RIPK4: variants seen among roughly 807,000 people sequenced by gnomAD.
The protein encoded by RIPK4 is receptor interacting serine/threonine kinase 4.
A neutral mutation model predicts 42.9 loss-of-function variants in RIPK4; 17 were observed. The observed-to-expected ratio is 0.40, with a 90% CI of 0.27 to 0.59. The LOEUF (loss-of-function observed/expected upper bound fraction) is 0.59. Among genes scored for constraint, RIPK4 ranks in the 20% least tolerant of loss-of-function variants. The pLI is 0.47. For synonymous variants in RIPK4, 498 were observed against 499.1 expected (o/e 1.00, Z 0.03); for missense variants, 897 against 1,104.4 (o/e 0.81, Z 2.66).
At position 41,751,551 on chromosome 21, in the gene RIPK4, G is replaced by A. The variant is rs956172778; in HGVS notation, c.475-306C>T. ...AGAATTAGAATCCACCTTCTGTAAA[G>A]CATCATGTTTGCCATGGTGGTTGAG... On this transcript the variant is annotated intron_variant, in intron 2 of 7. Transcript: ENST00000332512. This position sits in a 1 kb window ranked among gnomAD's most constrained non-coding sequence, Gnocchi z 4.5. Among the ~76,000 whole-genome samples, 5 of 152,228 alleles carry A rather than the reference G, an allele frequency of 3.3e-5. No homozygotes were observed. The highest frequency in any genetic ancestry group is 2.1e-4 in the South Asian group (1 of 4,830).
intron 1 of RIPK4, among the ~76,000 whole-genome samples, chr21:41,758,042 A>G (rs1181950707): frequency 3.4e-5 from 2 of 58,672 alleles, no homozygotes; most frequent in East Asian, 7.1e-4. Flanking sequence ...ATATATATAT[A>G]GAGAGAGAGA....
Position 41,744,125 on chromosome 21 carries a change from G to C in RIPK4, c.952C>G (p.Leu318Val). Residue 318 changes from leucine (L) to valine (V), a missense_variant, in exon 7 of 8, where the codon CTC becomes GTC. Coordinates refer to ENST00000332512, the MANE Select transcript of RIPK4 (RefSeq NM_020639.3). ...AAGGTGGGGGCAGAGGCCCGCTTGA[G>C]CCTCGCAGGCACCACCTGCGAAGAT... Reference protein sequence around the residue: ...EPRSEVVPARLKRASAPTFDN... With the variant: ...EPRSEVVPARVKRASAPTFDN... 1 of 1,594,458 alleles carries C rather than the reference G, an allele frequency of 6.3e-7. No individual in the cohort carries two copies. Among genetic ancestry groups the C allele is most frequent in the Non-Finnish European group, 8.6e-7 (1 of 1,168,480 alleles).
chr21:41,743,950 G>T lies in RIPK4; in HGVS notation c.1127C>A (p.Ser376Ter), dbSNP rs387906921. Reference sequence around the variant, plus strand: ...TCTGGAAGAGAAGGCGGAGTCCACCGAGGACACCCCCGAGAGCCTCTTCCC... The same window carrying T: ...TCTGGAAGAGAAGGCGGAGTCCACCTAGGACACCCCCGAGAGCCTCTTCCC... ...GSGKRLSGVS[S>*]VDSAFSSRGS... is the part of the protein sequence containing the mutation. The change falls in exon 7 of 8, where the codon TCG (serine) becomes TAG (stop). Residue 376 changes from serine (S) to a stop codon, truncating the protein, a stop_gained. Transcript: ENST00000332512. LOFTEE classifies it high-confidence loss of function. The T allele has an allele frequency of 2.5e-6, 4 of 1,613,336 alleles. No homozygotes were observed. The highest frequency in any genetic ancestry group is 1.1e-5 in the South Asian group (1 of 91,060).
At position 41,739,698 on chromosome 21, in the gene RIPK4, G is replaced by A. The variant is rs1271071939; in HGVS notation, c.*1140C>T. 5 of 152,336 alleles carry A rather than the reference G, an allele frequency of 3.3e-5. No individual in the cohort carries two copies. The highest frequency in any genetic ancestry group is 7.3e-5 in the Non-Finnish European group (5 of 68,042). 9.4% of individuals were successfully genotyped at this position (152,336 alleles called of 1,614,324 possible). On this transcript the variant is annotated 3_prime_UTR_variant, in exon 8 of 8. Coordinates refer to ENST00000332512, the MANE Select transcript of RIPK4 (RefSeq NM_020639.3). The stretch of plus-strand genomic sequence containing the variant: ...TGACAGTGAAGTTACGAGGCTAGAT[G>A]GCCACATCTTTTACATCCAAGAACC...
chr21:41,743,083 C>A (rs1342828167), intron 7 of RIPK4, among the ~76,000 whole-genome samples: 1 of 152,170 alleles, frequency 6.6e-6, no homozygotes, highest in African/African-American at 2.4e-5. Context: ...AGGATGTTTC[C>A]AATCCACCAG....
intron 1 of RIPK4, 36 bp downstream of exon 1, chr21:41,766,824 C>T (rs1410212336): frequency 1.4e-5 from 22 of 1,582,456 alleles, no homozygotes; most frequent in Non-Finnish European, 1.8e-5. Context: ...CCAGCCCGGG[C>T]CCCAGCCGCC....
In RIPK4 at chr21:41,740,159, C is replaced by A. The variant is rs183136282; in HGVS notation, c.*679G>T. The A allele has an allele frequency of 7.8e-4, 119 of 152,312 alleles. No homozygotes were observed. The highest frequency in any genetic ancestry group is 2.7e-3 in the African/African-American group (111 of 41,570). The allele number at this position is 152,312 out of a possible 1,614,324, so 9.4% of individuals were successfully genotyped here. A position where few individuals can be genotyped will look rare whatever the true frequency, so the allele number is the denominator to read the frequency against. On this transcript the variant is annotated 3_prime_UTR_variant, in exon 8 of 8. Coordinates refer to ENST00000332512, the MANE Select transcript of RIPK4 (RefSeq NM_020639.3). Reference sequence around the variant, plus strand: ...GTGTGTGGTTGTCCACAAGGACTCACCCAAGTAATAGACTGGAATGGTTAA... The same window carrying A: ...GTGTGTGGTTGTCCACAAGGACTCAACCAAGTAATAGACTGGAATGGTTAA...
chr21:41,740,620 G>C lies in RIPK4; in HGVS notation c.*218C>G, dbSNP rs2061149531. ...GGTCCCTTCAGACAGCAGGTGCCTA[G>C]ATCGATGATGGAGCGGGCATGTGCA... On this transcript the variant is annotated 3_prime_UTR_variant, in exon 8 of 8. Transcript: ENST00000332512. 1.8e-6 allele frequency: 1 copy of C among 567,460 alleles called. No homozygotes were observed. Among genetic ancestry groups the C allele is most frequent in the East Asian group, 2.9e-5 (1 of 34,104 alleles). 35.2% of individuals were successfully genotyped at this position (567,460 alleles called of 1,614,324 possible).
chr21:41,762,059 C>CGGCTA (rs752874618), intron 1 of RIPK4, among the ~76,000 whole-genome samples: 12 of 152,230 alleles, frequency 7.9e-5, no homozygotes, highest in Non-Finnish European at 1.3e-4. Flanking sequence ...AAGCGGATCC[C>CGGCTA]GGCTAGAATC....
intron 4 of RIPK4, among the ~76,000 whole-genome samples, chr21:41,748,897 T>C (rs1400904694): frequency 6.6e-6 from 1 of 152,176 alleles, no homozygotes; most frequent in African/African-American, 2.4e-5. Flanking sequence ...ATTATACACT[T>C]TAAATGGCTA....
chr21:41,750,385 C>G (rs2061185024), intron 3 of RIPK4, among the ~76,000 whole-genome samples: 1 of 152,192 alleles, frequency 6.6e-6, no homozygotes, highest in Non-Finnish European at 1.5e-5. Flanking sequence ...GATCTCTGAC[C>G]AACAAAGGTT....
Position 41,743,914 on chromosome 21 carries a change from G to A in RIPK4, c.1163C>T (p.Ser388Leu), listed in dbSNP as rs1452346367. ...DSAFSSRGSL[S>L]LSFEREPSTS... ...TGAAGGTTCCCGCTCAAAGGACAGCGACAGTGATCCTCTGGAAGAGAAGGC... is the reference window on the plus strand; with the variant it reads ...TGAAGGTTCCCGCTCAAAGGACAGCAACAGTGATCCTCTGGAAGAGAAGGC... The change falls in exon 7 of 8, where the codon TCG becomes TTG. Residue 388 changes from serine (S) to leucine (L), a missense_variant. Physicochemically the swap from Ser to Leu is moderately radical, Grantham distance 145. Transcript: ENST00000332512. The A allele has an allele frequency of 2.2e-5, 36 of 1,611,094 alleles. No individual in the cohort carries two copies. Among genetic ancestry groups the A allele is most frequent in the Admixed American group, 5.0e-5 (3 of 59,584 alleles).
intron 1 of RIPK4, among the ~76,000 whole-genome samples, chr21:41,758,719 CT>C (rs2061212306): frequency 6.6e-6 from 1 of 152,234 alleles, no homozygotes; most frequent in Non-Finnish European, 1.5e-5. Flanking sequence ...GCTGTGGCTG[CT>C]TTTGCACTTC....
chr21:41,759,898 C>T (rs898343887), intron 1 of RIPK4, among the ~76,000 whole-genome samples: 2 of 152,220 alleles, frequency 1.3e-5, no homozygotes, highest in African/African-American at 4.8e-5. Flanking sequence ...CGGACAGGTA[C>T]CAAAGGCTCG....
rs548516370 is a variant in RIPK4, at chr21:41,760,722, C to T, written c.183-3906G>A. On this transcript the variant is annotated intron_variant, in intron 1 of 7. Transcript: ENST00000332512. The stretch of plus-strand genomic sequence containing the variant: ...CCAGGGGTCACTAGGCAGCTCTCTA[C>T]GGTGGACGCGGGAGCACCCCAGGAG... Among the ~76,000 whole-genome samples the T allele has an allele frequency of 1.6e-4, 25 of 151,846 alleles. No homozygotes were observed. The South Asian group carries it at 4.6e-3, about 28-fold the overall frequency.
At position 41,756,558 on chromosome 21, in the gene RIPK4, C is replaced by T. The variant is rs201683068; in HGVS notation, c.441G>A (p.Ala147=). 2.0e-5 allele frequency: 32 copies of T among 1,613,658 alleles called. 1 individual carries two copies. The highest frequency in any genetic ancestry group is 1.9e-4 in the African/African-American group (14 of 75,040). Residue 147 remains alanine, a synonymous_variant, in exon 2 of 8, where the codon GCG becomes GCA. Transcript: ENST00000332512. ...GGTAGTGGGCATCCAGCAGGATGTT[C>T]GCGGGCTTGAGGTCCAGGTGCAGGA... is the stretch of plus-strand genomic sequence containing the variant. ...PPLLHLDLKP[A]NILLDAHYHV...
intron 1 of RIPK4, among the ~76,000 whole-genome samples, chr21:41,757,366 AC>A (rs1329083554): frequency 6.6e-6 from 1 of 152,060 alleles, no homozygotes; most frequent in Non-Finnish European, 1.5e-5. Context: ...TACTAAAAAT[AC>A]AAAAATTAGC....
rs750680682 is a variant in RIPK4 at position 41,756,522 on chromosome 21, C to T, written c.474+3G>A. ...CTCTCTCGGGCACCGTGCGGCCCCC[C>T]ACCTTGACGTGGTAGTGGGCATCCA... On this transcript the variant is annotated splice_donor_region_variant and intron_variant, in intron 2 of 7. Coordinates refer to ENST00000332512, the MANE Select transcript of RIPK4 (RefSeq NM_020639.3). 19 of 1,610,948 alleles carry T rather than the reference C, an allele frequency of 1.2e-5. No homozygotes were observed. Among genetic ancestry groups the T allele is most frequent in the Admixed American group, 8.3e-5 (5 of 59,992 alleles).
At chr21:41,750,939 C>A (rs2061186540) in intron 3 of RIPK4, among the ~76,000 whole-genome samples, 158 bp downstream of exon 3, 1 of 152,152 alleles carries the variant, frequency 6.6e-6, no homozygotes, top group Non-Finnish European at 1.5e-5. Flanking sequence ...CGGCCTCCCG[C>A]AGTGCTGGGA....
Sources: allele counts gnomAD v4.1 joint callset (sites outside exome capture counted in the v4.1 genomes callset), GRCh38; gene constraint gnomAD v4.1.1; non-coding constraint Gnocchi (gnomAD v3.1); transcripts MANE v1.5; gene names NCBI Gene and HGNC (gene_info 2026-07-23, HGNC 2026-07-21).